B3GALT1: variants seen among roughly 807,000 people sequenced by gnomAD.
B3GALT1 encodes beta-1,3-galactosyltransferase 1.
B3GALT1 carries 10 observed loss-of-function variants against 23.2 expected under a neutral mutation model. That is an observed-to-expected ratio of 0.43 (90% CI 0.27 to 0.73). The LOEUF is 0.73. B3GALT1 is among the 30% of genes least tolerant of loss of function. The probability of loss-of-function intolerance (pLI) is 0.21; values close to 1 mark genes in which losing one functional copy is unlikely to be tolerated. For synonymous variants in B3GALT1, 156 were observed against 141.5 expected (o/e 1.10, Z -0.73); for missense variants, 299 against 405.4 (o/e 0.74, Z 2.25).
At position 167,369,953 on chromosome 2, in the gene B3GALT1, A is replaced by G. The variant is rs146789880; in HGVS notation, c.-511+76619A>G. The stretch of plus-strand genomic sequence containing the variant: ...AAAAAATGTTCCAGGTCAATTAAAT[A>G]TAAATAGTAAGCCAGAAGACACTGA... On this transcript the variant is annotated intron_variant, in intron 1 of 4. Coordinates refer to ENST00000392690, the MANE Select transcript of B3GALT1 (RefSeq NM_020981.4). 1.6e-3 allele frequency among the ~76,000 whole-genome samples: 238 copies of G among 152,340 alleles called. 3 individuals are homozygous for G. The highest frequency in any genetic ancestry group is 5.3e-3 in the African/African-American group (222 of 41,592).
intron 2 of B3GALT1, among the ~76,000 whole-genome samples, chr2:167,625,502 T>C (rs559184509): frequency 1.8e-4 from 27 of 151,878 alleles, no homozygotes; most frequent in African/African-American, 6.5e-4. Flanking sequence ...AAATAAAAAT[T>C]TTGAAAAGGC....
chr2:167,512,606 A>G (rs867854878), intron 2 of B3GALT1, among the ~76,000 whole-genome samples: 27 of 95,276 alleles, frequency 2.8e-4, no homozygotes, highest in African/African-American at 1.2e-3. Context: ...ATATATATAT[A>G]TGTATATATA....
intron 2 of B3GALT1, among the ~76,000 whole-genome samples, chr2:167,627,168 G>A (rs772177023): frequency 1.3e-4 from 19 of 151,686 alleles, no homozygotes; most frequent in African/African-American, 2.4e-5. Context: ...GTGTGTATGT[G>A]TGTGTCAGTT....
chr2:167,570,952 G>T (rs369106723), intron 2 of B3GALT1, among the ~76,000 whole-genome samples: 8 of 151,900 alleles, frequency 5.3e-5, no homozygotes, highest in Admixed American at 3.9e-4. Flanking sequence ...ATTTAGTTTC[G>T]CAAGTATAGA....
intron 2 of B3GALT1, among the ~76,000 whole-genome samples, chr2:167,549,681 A>G (rs1028135671): frequency 2.6e-5 from 4 of 152,184 alleles, no homozygotes. Context: ...GCAGCAGACT[A>G]AATGTCATTC....
chr2:167,394,719 G>A (rs1426479449), intron 1 of B3GALT1, among the ~76,000 whole-genome samples: 4 of 152,156 alleles, frequency 2.6e-5, no homozygotes, highest in Non-Finnish European at 5.9e-5. Flanking sequence ...AAGGAAGGTG[G>A]AAATGAAGTG....
chr2:167,682,294 G>A (rs1686544888), intron 3 of B3GALT1, among the ~76,000 whole-genome samples: 1 of 152,086 alleles, frequency 6.6e-6, no homozygotes, highest in East Asian at 1.9e-4. Flanking sequence ...ACCTTTCAAC[G>A]AATTAAAAGT....
chr2:167,861,790 T>G (rs1472392473), intron 4 of B3GALT1, among the ~76,000 whole-genome samples: 2 of 152,228 alleles, frequency 1.3e-5, no homozygotes, highest in Non-Finnish European at 2.9e-5. Context: ...AGGAGACATT[T>G]GCATTCCCTT....
intron 1 of B3GALT1, among the ~76,000 whole-genome samples, chr2:167,365,086 A>C (rs943496082): frequency 1.3e-5 from 2 of 152,096 alleles, no homozygotes; most frequent in Non-Finnish European, 2.9e-5. Flanking sequence ...CTGATTTGTG[A>C]TATTAGGTCA....
chr2:167,332,650 C>A (rs1312800311), intron 1 of B3GALT1, among the ~76,000 whole-genome samples: 3 of 152,194 alleles, frequency 2.0e-5, no homozygotes, highest in Non-Finnish European at 4.4e-5. Context: ...AGATCAGAAA[C>A]CGCAGATGTG....
At chr2:167,306,698 CATCTTA>C (rs911483788) in intron 1 of B3GALT1, among the ~76,000 whole-genome samples, 14 of 151,954 alleles carry the variant, frequency 9.2e-5, no homozygotes, top group African/African-American at 3.4e-4. Context: ...TAACAAAGTG[CATCTTA>C]ATCACGGAAC....
chr2:167,497,315 A>C (rs1042328397), intron 2 of B3GALT1, among the ~76,000 whole-genome samples: 3 of 152,176 alleles, frequency 2.0e-5, no homozygotes, highest in African/African-American at 7.2e-5. Flanking sequence ...CTGAGCAAAT[A>C]TCTGAAAAAA....
chr2:167,570,497 T>C (rs1373597704), intron 2 of B3GALT1, among the ~76,000 whole-genome samples: 1 of 151,952 alleles, frequency 6.6e-6, no homozygotes, highest in Non-Finnish European at 1.5e-5. Context: ...TGATTTCATA[T>C]GTTTATGCAT....
chr2:167,434,156 G>T (rs1337611876), intron 1 of B3GALT1, among the ~76,000 whole-genome samples: 1 of 152,112 alleles, frequency 6.6e-6, no homozygotes, highest in Non-Finnish European at 1.5e-5. Flanking sequence ...ACATAGTCAA[G>T]ATATTGAAAT....
At chr2:167,624,110 A>G (rs925639185) in intron 2 of B3GALT1, among the ~76,000 whole-genome samples, 1 of 152,054 alleles carries the variant, frequency 6.6e-6, no homozygotes, top group African/African-American at 2.4e-5. Context: ...AAATCATAGA[A>G]TCTGCAATGG....
chr2:167,579,430 G>GTTTTTT (rs1553469287), intron 2 of B3GALT1, among the ~76,000 whole-genome samples: 15 of 63,606 alleles, frequency 2.4e-4, no homozygotes, highest in East Asian at 2.5e-3. Flanking sequence ...GTTTTTTTTT[G>GTTTTTT]TCTTTTTTTT....
At chr2:167,643,016 C>A (rs1012505359) in intron 2 of B3GALT1, among the ~76,000 whole-genome samples, 1 of 152,106 alleles carries the variant, frequency 6.6e-6, no homozygotes, top group African/African-American at 2.4e-5. Context: ...ATGTAAAGAA[C>A]CTGCCAATTA....
rs144616796 is a variant in B3GALT1, at chr2:167,709,410, T to G, written c.-352+62444T>G. On this transcript the variant is annotated intron_variant, in intron 3 of 4. Coordinates refer to ENST00000392690, the MANE Select transcript of B3GALT1 (RefSeq NM_020981.4). ...GAAGGAAGGTGACTAGGGAAAGAAATAAACCTTTAATAAAATCCACAGGTG... is the reference window on the plus strand; with the variant it reads ...GAAGGAAGGTGACTAGGGAAAGAAAGAAACCTTTAATAAAATCCACAGGTG... Among the ~76,000 whole-genome samples the G allele has an allele frequency of 5.7e-3, 862 of 152,292 alleles. 4 individuals carry two copies. Among genetic ancestry groups the G allele is most frequent in the Non-Finnish European group, 9.1e-3 (618 of 68,006 alleles).
intron 1 of B3GALT1, among the ~76,000 whole-genome samples, chr2:167,452,734 A>C (rs1699108785): frequency 1.3e-5 from 2 of 152,174 alleles, no homozygotes; most frequent in African/African-American, 2.4e-5. Context: ...TTTTCCTCCC[A>C]AAAATCTTAA....
Sources: gnomAD v4.1 joint callset for allele counts (sites outside exome capture counted in the v4.1 genomes callset) on GRCh38, gnomAD v4.1.1 for gene constraint, MANE v1.5 for transcripts, NCBI Gene and HGNC (gene_info 2026-07-23, HGNC 2026-07-21) for gene names.